Variants in SGCZ observed in about 807,000 individuals in gnomAD.
The protein encoded by SGCZ is zeta-sarcoglycan.
Under a neutral mutation model 41.3 loss-of-function variants are expected in SGCZ, and 40 were observed. The ratio of observed to expected loss-of-function variants is 0.97; its 90% confidence interval spans 0.75 to 1.26. The LOEUF is 1.26. Among genes scored for constraint, SGCZ ranks in the 50% most tolerant of loss-of-function variants. SGCZ has a pLI of 0.00. For missense variants in SGCZ, 552 were observed against 369.8 expected, an observed-to-expected ratio of 1.49 and a Z score of -4.04; for synonymous variants, 206 against 137.5, an observed-to-expected ratio of 1.50 and a Z score of -3.49.
chr8:15,169,176 C>A (rs966846282), intron 1 of SGCZ, among the ~76,000 whole-genome samples: 1 of 152,146 alleles, frequency 6.6e-6, no homozygotes, highest in Non-Finnish European at 1.5e-5. Context: ...CAAAACAGCG[C>A]CCCCTGTCAG....
At chr8:14,293,881 G>C (rs930453012) in intron 3 of SGCZ, among the ~76,000 whole-genome samples, 4 of 151,738 alleles carry the variant, frequency 2.6e-5, no homozygotes, top group Non-Finnish European at 2.9e-5. Flanking sequence ...CTACATTCAG[G>C]AGCCAAATCT....
Position 15,041,566 on chromosome 8 carries a change from A to T in SGCZ, c.39+196019T>A, listed in dbSNP as rs116248346. Among the ~76,000 whole-genome samples, 465 of 152,238 alleles carry T rather than the reference A, an allele frequency of 3.1e-3. 1 individual carries two copies. Among genetic ancestry groups the T allele is most frequent in the African/African-American group, 0.01 (426 of 41,586 alleles). ...TAGAAAGCGGGTTAATCAAACAATC[A>T]TGAGAAGTATTTCCTAGTCAGATTC... On this transcript the variant is annotated intron_variant, in intron 1 of 7. Coordinates refer to ENST00000382080, the MANE Select transcript of SGCZ (RefSeq NM_139167.4).
rs560379085 is a variant in SGCZ at position 14,210,531 on chromosome 8, C to T, written c.424+27061G>A. Among the ~76,000 whole-genome samples the T allele has an allele frequency of 7.3e-5, 11 of 151,420 alleles. No homozygotes were observed. The South Asian group carries it at 1.7e-3, about 23-fold the overall frequency. The stretch of plus-strand genomic sequence containing the variant: ...AGACTGGAGTGCAATGGTGCGATCT[C>T]GGCTCACCACAACCCCTGTCTCCCA... On this transcript the variant is annotated intron_variant, in intron 4 of 7. Transcript: ENST00000382080.
chr8:14,548,773 A>T (rs1563402232), intron 2 of SGCZ, among the ~76,000 whole-genome samples: 1 of 152,134 alleles, frequency 6.6e-6, no homozygotes, highest in Admixed American at 6.6e-5. Flanking sequence ...AATCAAAGTG[A>T]GTTCAGAAAA....
chr8:14,652,790 T>G (rs1408948222), intron 1 of SGCZ, among the ~76,000 whole-genome samples: 3 of 152,144 alleles, frequency 2.0e-5, no homozygotes, highest in Non-Finnish European at 4.4e-5. Context: ...AGAAGTTCCC[T>G]GTTTAAATAT....
At chr8:14,666,563 G>C (rs1807916763) in intron 1 of SGCZ, among the ~76,000 whole-genome samples, 1 of 151,852 alleles carries the variant, frequency 6.6e-6, no homozygotes, top group Non-Finnish European at 1.5e-5. Flanking sequence ...TATTTGCCTG[G>C]CTTTTTTCTG....
intron 1 of SGCZ, among the ~76,000 whole-genome samples, chr8:14,700,050 T>A (rs1301372339): frequency 6.6e-6 from 1 of 152,012 alleles, no homozygotes; most frequent in Non-Finnish European, 1.5e-5. Context: ...AGATTGGAGA[T>A]TTCTCGAAGA....
At chr8:15,045,026 T>G (rs1804249443) in intron 1 of SGCZ, among the ~76,000 whole-genome samples, 1 of 152,080 alleles carries the variant, frequency 6.6e-6, no homozygotes, top group South Asian at 2.1e-4. Context: ...GCTGAATGCA[T>G]ATTTTGGATA....
intron 1 of SGCZ, among the ~76,000 whole-genome samples, chr8:15,124,656 A>G (rs930410869): frequency 1.4e-4 from 21 of 152,184 alleles, no homozygotes; most frequent in Admixed American, 3.9e-4. Context: ...TCTCCTGCCA[A>G]TTCTTATGAG....
chr8:14,304,405 G>T (rs1025822308), intron 3 of SGCZ, among the ~76,000 whole-genome samples: 15 of 152,100 alleles, frequency 9.9e-5, no homozygotes, highest in African/African-American at 3.1e-4. Context: ...ACCAGCATGG[G>T]CAATACAGTA....
At chr8:14,632,156 C>A (rs1053564777) in intron 1 of SGCZ, among the ~76,000 whole-genome samples, 2 of 151,926 alleles carry the variant, frequency 1.3e-5, no homozygotes, top group Middle Eastern at 3.2e-3. Flanking sequence ...ATAGCTGGGA[C>A]TACAGGCATG....
At chr8:14,506,969 C>T (rs1001363315) in intron 2 of SGCZ, among the ~76,000 whole-genome samples, 6 of 152,052 alleles carry the variant, frequency 3.9e-5, no homozygotes, top group Admixed American at 2.0e-4. Flanking sequence ...CACATCTTTC[C>T]GTGATCTTAT....
intron 1 of SGCZ, among the ~76,000 whole-genome samples, chr8:14,702,774 TAGATAGAC>T (rs879869773): frequency 0.12 from 16,904 of 136,316 alleles, 1,301 homozygotes; most frequent in Non-Finnish European, 0.17. Context: ...GATAGATAGA[TAGATAGAC>T]AGACAGACAG....
chr8:14,890,073 C>T lies in SGCZ; in HGVS notation c.40-335147G>A, dbSNP rs550772790. 1.4e-3 allele frequency among the ~76,000 whole-genome samples: 210 copies of T among 151,966 alleles called. 2 individuals carry two copies. Among genetic ancestry groups the T allele is most frequent in the South Asian group, 9.1e-3 (44 of 4,814 alleles). On this transcript the variant is annotated intron_variant, in intron 1 of 7. Transcript: ENST00000382080. Reference sequence around the variant, plus strand: ...CTCTACTAAAAATACAAAAATTAGCCGGGCATGGTCGTGGGCACCCATAGT... The same window carrying T: ...CTCTACTAAAAATACAAAAATTAGCTGGGCATGGTCGTGGGCACCCATAGT...
At chr8:15,081,563 A>G (rs560325410) in intron 1 of SGCZ, among the ~76,000 whole-genome samples, 8 of 146,800 alleles carry the variant, frequency 5.4e-5, no homozygotes, top group Middle Eastern at 3.4e-3. Context: ...AAGGTTTGAA[A>G]GAACAGAAAA....
At chr8:14,197,354 T>C (rs1805298585) in intron 4 of SGCZ, among the ~76,000 whole-genome samples, 1 of 152,068 alleles carries the variant, frequency 6.6e-6, no homozygotes, top group African/African-American at 2.4e-5. Flanking sequence ...TAGAACAATA[T>C]CCTTCATGAA....
chr8:14,464,532 G>T (rs754756924), intron 2 of SGCZ, among the ~76,000 whole-genome samples: 2 of 141,636 alleles, frequency 1.4e-5, no homozygotes, highest in African/African-American at 2.6e-5. Context: ...CAGTTGTGTT[G>T]ATCTTTTCAA....
intron 1 of SGCZ, among the ~76,000 whole-genome samples, chr8:14,925,940 G>A (rs998534952): frequency 6.6e-6 from 1 of 152,206 alleles, no homozygotes; most frequent in Non-Finnish European, 1.5e-5. Context: ...ACAGGGCAGA[G>A]ATGTTGTTTT....
intron 1 of SGCZ, among the ~76,000 whole-genome samples, chr8:14,855,209 C>T (rs187685702): frequency 7.9e-5 from 12 of 151,986 alleles, no homozygotes; most frequent in Admixed American, 7.9e-4. Flanking sequence ...GCCAACATGT[C>T]CACCTAACTT....
Sources: allele counts gnomAD v4.1 joint callset (sites outside exome capture counted in the v4.1 genomes callset), GRCh38; gene constraint gnomAD v4.1.1; transcripts MANE v1.5; gene names NCBI Gene and HGNC (gene_info 2026-07-23, HGNC 2026-07-21).